GPD1L: variants seen among roughly 807,000 people sequenced by gnomAD.
The protein encoded by GPD1L is glycerol-3-phosphate dehydrogenase 1 like, also known as glycerol-3-phosphate dehydrogenase 1-like protein.
Under a neutral mutation model 32.9 loss-of-function variants are expected in GPD1L, and 17 were observed. That is an observed-to-expected ratio of 0.52 (90% CI 0.35 to 0.78). GPD1L has a LOEUF of 0.78. GPD1L is among the 30% of genes least tolerant of loss of function. GPD1L has a pLI of 0.01. For synonymous variants in GPD1L, 187 were observed against 165.9 expected (o/e 1.13, Z -0.98); for missense variants, 361 against 447.8 (o/e 0.81, Z 1.75).
intron 1 of GPD1L, among the ~76,000 whole-genome samples, chr3:32,110,075 G>A (rs1269694623): frequency 6.6e-6 from 1 of 152,182 alleles, no homozygotes; most frequent in East Asian, 1.9e-4. Flanking sequence ...CCGCCACCAC[G>A]CCCAGCTAAT....
intron 2 of GPD1L, among the ~76,000 whole-genome samples, chr3:32,138,263 C>T (rs1559576256): frequency 6.6e-6 from 1 of 152,016 alleles, no homozygotes; most frequent in Non-Finnish European, 1.5e-5. Context: ...CAGAGAAGAG[C>T]GGAAAATGGA....
rs72546647 is a variant in GPD1L, at chr3:32,158,915, C to T, written c.658C>T (p.Arg220Cys). The T allele has an allele frequency of 3.9e-5, 63 of 1,613,946 alleles. No individual in the cohort carries two copies. Among genetic ancestry groups the T allele is most frequent in the Non-Finnish European group, 5.1e-5 (60 of 1,180,048 alleles). ...GGGAGCTGGGTTCTGCGACGGCCTC[C>T]GCTGTGGAGACAACACCAAAGCGGC... ...AVGAGFCDGL[R>C]CGDNTKAAVI... The change falls in exon 6 of 8, where the codon CGC (arginine) becomes TGC (cysteine). Residue 220 changes from arginine to cysteine, a missense_variant. Physicochemically the swap from Arg to Cys is radical, Grantham distance 180 (BLOSUM62 -3). Coordinates refer to ENST00000282541, the MANE Select transcript of GPD1L (RefSeq NM_015141.4).
Position 32,146,636 on chromosome 3 carries a change from G to A in GPD1L, c.520G>A (p.Glu174Lys), listed in dbSNP as rs112122950. Residue 174 changes from glutamate to lysine, a missense_variant, in exon 5 of 8, where the codon GAG (glutamate) becomes AAG (lysine). Glu to Lys is a moderately conservative substitution (Grantham distance 56). Transcript: ENST00000282541. ...CETTIGSKVM[E>K]NGLLFKELLQ... The stretch of plus-strand genomic sequence containing the variant: ...CCTTTCAACAGGCAGCAAAGTAATG[G>A]AGAACGGCCTTCTCTTCAAAGAACT... The A allele has an allele frequency of 5.2e-4, 831 of 1,608,816 alleles. 1 individual carries two copies. The highest frequency in any genetic ancestry group is 6.6e-4 in the Non-Finnish European group (774 of 1,175,282).
At chr3:32,138,476 C>T (rs1700696634) in intron 2 of GPD1L, 111 bp from the exon 3 acceptor site, 2 of 981,852 alleles carry the variant, frequency 2.0e-6, no homozygotes, top group Non-Finnish European at 3.3e-6. Flanking sequence ...TCTATCTGTG[C>T]AATGCTCTGC....
intron 2 of GPD1L, among the ~76,000 whole-genome samples, chr3:32,131,958 G>T (rs186751083): frequency 1.6e-3 from 250 of 152,158 alleles, no homozygotes; most frequent in African/African-American, 5.8e-3. Flanking sequence ...ATTTTCATTT[G>T]CCTGATGGCT....
intron 1 of GPD1L, among the ~76,000 whole-genome samples, chr3:32,110,891 G>A (rs901091): frequency 0.023 from 3,547 of 152,312 alleles, 147 homozygotes; most frequent in African/African-American, 0.078. Context: ...TGTTGAGACA[G>A]AGTCAGCTCT....
At chr3:32,118,088 C>G (rs1210875629) in intron 1 of GPD1L, among the ~76,000 whole-genome samples, 2 of 152,130 alleles carry the variant, frequency 1.3e-5, no homozygotes, top group Non-Finnish European at 2.9e-5. Context: ...CTGTGGATTT[C>G]AGTTAAACCT....
intron 2 of GPD1L, among the ~76,000 whole-genome samples, chr3:32,131,809 C>T (rs1700591037): frequency 6.6e-6 from 1 of 152,188 alleles, no homozygotes; most frequent in African/African-American, 2.4e-5. Flanking sequence ...TGAGGAACTG[C>T]CAGACTGTTT....
rs1295997425 is a variant in GPD1L at position 32,159,579 on chromosome 3, G to A, written c.864G>A (p.Glu288=). The A allele has an allele frequency of 1.3e-6, 2 of 1,596,266 alleles. No individual in the cohort carries two copies. Among genetic ancestry groups the A allele is most frequent in the East Asian group, 2.2e-5 (1 of 44,784 alleles). The part of the protein sequence containing the change: ...AFARTGKTIE[E]LEKEMLNGQK... The stretch of plus-strand genomic sequence containing the variant: ...CCTTTGTTTTTAAGACCATTGAAGA[G>A]TTGGAGAAGGAGATGCTGAATGGGC... Residue 288 remains glutamate, a synonymous_variant, in exon 7 of 8, where the codon GAG becomes GAA. Coordinates refer to ENST00000282541, the MANE Select transcript of GPD1L (RefSeq NM_015141.4).
chr3:32,166,303 G>C lies in GPD1L; in HGVS notation c.*393G>C. 3.4e-6 allele frequency: 1 copy of C among 297,462 alleles called. No individual in the cohort carries two copies. Among genetic ancestry groups the C allele is most frequent in the Non-Finnish European group, 6.5e-6 (1 of 154,676 alleles). 18.4% of individuals were successfully genotyped at this position (297,462 alleles called of 1,614,324 possible). A position where few individuals can be genotyped will look rare whatever the true frequency, so the allele number is the denominator to read the frequency against. On this transcript the variant is annotated 3_prime_UTR_variant, in exon 8 of 8. Coordinates refer to ENST00000282541, the MANE Select transcript of GPD1L (RefSeq NM_015141.4). The stretch of plus-strand genomic sequence containing the variant: ...GGATTTTTTTTCTCATTTTTCTAGT[G>C]TTAAATTTTAACCAGCATTAACATG...
At chr3:32,135,060 A>T (rs929944603) in intron 2 of GPD1L, among the ~76,000 whole-genome samples, 3 of 152,226 alleles carry the variant, frequency 2.0e-5, no homozygotes, top group Non-Finnish European at 4.4e-5. Flanking sequence ...TCAGTTGCAG[A>T]TGTGCAACCC....
At chr3:32,152,348 C>A (rs1194101802) in intron 5 of GPD1L, among the ~76,000 whole-genome samples, 1 of 152,122 alleles carries the variant, frequency 6.6e-6, no homozygotes, top group East Asian at 1.9e-4. Flanking sequence ...TGGTGCTTAG[C>A]CCATTTTGTG....
intron 7 of GPD1L, among the ~76,000 whole-genome samples, chr3:32,162,267 G>T (rs1263867399): frequency 6.6e-6 from 1 of 152,088 alleles, no homozygotes; most frequent in East Asian, 1.9e-4. Context: ...GGCAGATGTG[G>T]CCCCCCTCAA....
chr3:32,143,148 G>C (rs989013062), intron 4 of GPD1L, among the ~76,000 whole-genome samples: 1 of 151,930 alleles, frequency 6.6e-6, no homozygotes. Context: ...CAGTGGCTAT[G>C]ATCACGTCAT....
intron 1 of GPD1L, among the ~76,000 whole-genome samples, chr3:32,126,417 C>T (rs1293570752): frequency 1.3e-5 from 2 of 152,086 alleles, no homozygotes; most frequent in African/African-American, 2.4e-5. Context: ...GTCTCATAGT[C>T]CCTCGTCAGT....
At chr3:32,113,496 G>A (rs1449658750) in intron 1 of GPD1L, among the ~76,000 whole-genome samples, 4 of 152,134 alleles carry the variant, frequency 2.6e-5, no homozygotes, top group Non-Finnish European at 5.9e-5. Flanking sequence ...CTCACCATCT[G>A]TGTCACCATT....
intron 2 of GPD1L, 73 bp from the exon 3 acceptor site, chr3:32,138,514 G>A (rs1183910469): frequency 7.2e-7 from 1 of 1,380,720 alleles, no homozygotes; most frequent in Non-Finnish European, 1.0e-6. Flanking sequence ...TAAATGGTCA[G>A]TGAGTGAAAC....
At chr3:32,115,376 G>A (rs550343453) in intron 1 of GPD1L, among the ~76,000 whole-genome samples, 6 of 152,276 alleles carry the variant, frequency 3.9e-5, no homozygotes, top group South Asian at 2.1e-4. Flanking sequence ...TGATTGGTGC[G>A]TTTACAATAC....
chr3:32,158,757 T>C (rs1051418203), intron 5 of GPD1L, 119 bp from the exon 6 acceptor site: 7 of 1,539,330 alleles, frequency 4.5e-6, no homozygotes, highest in African/African-American at 4.1e-5. Context: ...CATTGAGTAT[T>C]TTGAAGATGG....
Sources: gnomAD v4.1 joint callset for allele counts (sites outside exome capture counted in the v4.1 genomes callset) on GRCh38, gnomAD v4.1.1 for gene constraint, MANE v1.5 for transcripts, NCBI Gene and HGNC (gene_info 2026-07-23, HGNC 2026-07-21) for gene names.